ANXA7: variants seen among roughly 807,000 people sequenced by gnomAD.
ANXA7 encodes annexin VII.
In ANXA7, 55 loss-of-function variants were observed where a neutral mutation model predicts 64.9. The observed-to-expected ratio is 0.85, with a 90% confidence interval of 0.68 to 1.06. The LOEUF (loss-of-function observed/expected upper bound fraction) is 1.06. Among genes scored for constraint, ANXA7 ranks in the 50% least tolerant of loss-of-function variants. ANXA7 has a pLI of 0.00. For missense variants in ANXA7, 548 were observed against 582.1 expected (o/e 0.94, Z 0.60); for synonymous variants, 200 against 192.4 (o/e 1.04, Z -0.33).
intron 1 of ANXA7, among the ~76,000 whole-genome samples, chr10:73,407,093 T>C (rs764286895): frequency 8.5e-5 from 13 of 152,184 alleles, no homozygotes; most frequent in Non-Finnish European, 1.5e-4. Context: ...AATGTTTTCT[T>C]TTTGAGACAG....
intron 5 of ANXA7, among the ~76,000 whole-genome samples, chr10:73,389,093 C>T (rs1589652322): frequency 2.0e-5 from 3 of 152,120 alleles, no homozygotes; most frequent in African/African-American, 7.2e-5. Context: ...TTAATTATCA[C>T]CAGTAATGGA....
chr10:73,391,186 A>AG (rs1234120205), intron 5 of ANXA7, among the ~76,000 whole-genome samples: 4 of 151,326 alleles, frequency 2.6e-5, no homozygotes, highest in African/African-American at 7.3e-5. Context: ...AAAAAAAAAA[A>AG]AGAGAGAAAT....
intron 5 of ANXA7, among the ~76,000 whole-genome samples, chr10:73,391,170 TAA>T (rs547724690): frequency 6.4e-4 from 85 of 132,812 alleles, no homozygotes; most frequent in Admixed American, 9.1e-4. Flanking sequence ...CTCTGTCTCT[TAA>T]AAAAAAAAAA....
chr10:73,412,778 G>A (rs2055865423), intron 1 of ANXA7, among the ~76,000 whole-genome samples: 1 of 150,012 alleles, frequency 6.7e-6, no homozygotes, highest in Admixed American at 6.6e-5. Context: ...TTACAGGAGT[G>A]AGCCACCGCG....
intron 12 of ANXA7, chr10:73,377,540 A>G (rs2055189915): frequency 7.7e-6 from 1 of 129,478 alleles, no homozygotes; most frequent in Non-Finnish European, 1.6e-5. Context: ...ACTGTATTTC[A>G]GCCTGGGTGA....
chr10:73,382,293 T>C (rs959748831), intron 9 of ANXA7, among the ~76,000 whole-genome samples: 1 of 151,778 alleles, frequency 6.6e-6, no homozygotes, highest in Non-Finnish European at 1.5e-5. Context: ...GTCATTTACA[T>C]AATCTCTTTC....
At chr10:73,380,675 G>C (rs1461566216) in intron 9 of ANXA7, among the ~76,000 whole-genome samples, 1 of 151,990 alleles carries the variant, frequency 6.6e-6, no homozygotes, top group Non-Finnish European at 1.5e-5. Flanking sequence ...ACTGTCAACT[G>C]GATTTTATAA....
At chr10:73,396,001 TA>T (rs1182464330) in intron 5 of ANXA7, 1 of 1,225,306 alleles carries the variant, frequency 8.2e-7, no homozygotes, top group African/African-American at 1.5e-5. Flanking sequence ...AAGGCACATA[TA>T]AAGGACCTAG....
At chr10:73,412,956 A>T (rs1220999673) in intron 1 of ANXA7, among the ~76,000 whole-genome samples, 1 of 152,126 alleles carries the variant, frequency 6.6e-6, no homozygotes, top group Non-Finnish European at 1.5e-5. Context: ...GGAACCCAAG[A>T]GGCAGCTGTT....
intron 11 of ANXA7, 152 bp downstream of exon 11, chr10:73,379,727 A>G: frequency 1.3e-6 from 1 of 745,670 alleles, no homozygotes. Context: ...AATAAAGAAA[A>G]CAAACAACAA....
intron 9 of ANXA7, among the ~76,000 whole-genome samples, chr10:73,381,888 T>C (rs1404203854): frequency 6.8e-6 from 1 of 147,108 alleles, no homozygotes; most frequent in African/African-American, 2.6e-5. Flanking sequence ...CCTCCCTTTT[T>C]TTTTTTTTAG....
intron 5 of ANXA7, among the ~76,000 whole-genome samples, chr10:73,392,330 A>G (rs1424433520): frequency 6.6e-6 from 1 of 152,214 alleles, no homozygotes; most frequent in East Asian, 1.9e-4. Flanking sequence ...AAGAGGCGGA[A>G]TCCTCAGTAA....
At chr10:73,377,930 T>TGCGC (rs1554815407) in intron 12 of ANXA7, among the ~76,000 whole-genome samples, 4 of 142,584 alleles carry the variant, frequency 2.8e-5, no homozygotes, top group Admixed American at 6.8e-5. Flanking sequence ...TGTGTGTGTG[T>TGCGC]GCGCGCGCGT....
chr10:73,377,763 G>GGTGGGT (rs1270205185), intron 12 of ANXA7, among the ~76,000 whole-genome samples: 6 of 140,316 alleles, frequency 4.3e-5, no homozygotes, highest in Admixed American at 2.8e-4. Context: ...CATGCCGGGG[G>GGTGGGT]GTGGGTGTGG....
rs1318250106 is a variant in ANXA7, at chr10:73,375,632, G to C, written c.*463C>G. The stretch of plus-strand genomic sequence containing the variant: ...AGAACCAATTTAGGCAAAATGAGAT[G>C]CAAATTATTCTAGATGTAAAGGTTG... On this transcript the variant is annotated 3_prime_UTR_variant, in exon 13 of 13. Coordinates refer to ENST00000372921, the MANE Select transcript of ANXA7 (RefSeq NM_001156.5). The C allele has an allele frequency of 6.6e-6, 1 of 151,130 alleles. No individual in the cohort carries two copies. The highest frequency in any genetic ancestry group is 1.5e-5 in the Non-Finnish European group (1 of 68,014). 9.4% of individuals were successfully genotyped at this position (151,130 alleles called of 1,614,324 possible).
At chr10:73,396,257 C>A (rs1370996446) in intron 5 of ANXA7, 1 of 648,560 alleles carries the variant, frequency 1.5e-6, no homozygotes. Context: ...AGAACTAAAA[C>A]CAAGACCCCA....
chr10:73,387,513 TCAAAA>T (rs550023118), intron 7 of ANXA7, among the ~76,000 whole-genome samples, 171 bp downstream of exon 7: 3 of 125,722 alleles, frequency 2.4e-5, no homozygotes, highest in South Asian at 2.9e-4. Context: ...AGACTTCATC[TCAAAA>T]CAAAACAAAA....
chr10:73,379,220 A>G (rs2055234568), intron 11 of ANXA7, among the ~76,000 whole-genome samples, 197 bp from the exon 12 acceptor site: 1 of 152,166 alleles, frequency 6.6e-6, no homozygotes, highest in South Asian at 2.1e-4. Context: ...TCCAGCCTAG[A>G]GTGCAGTGGT....
chr10:73,397,523 T>C (rs193023710), intron 3 of ANXA7, among the ~76,000 whole-genome samples: 244 of 152,324 alleles, frequency 1.6e-3, no homozygotes, highest in African/African-American at 5.5e-3. Context: ...AGTGGCACAA[T>C]CTTGGCTCAC....
Sources: allele counts gnomAD v4.1 joint callset (sites outside exome capture counted in the v4.1 genomes callset), GRCh38; gene constraint gnomAD v4.1.1; transcripts MANE v1.5; gene names NCBI Gene and HGNC (gene_info 2026-07-23, HGNC 2026-07-21).